The following NOL10 variants were observed in gnomAD, a reference collection of about 807,000 sequenced individuals.
The protein encoded by NOL10 is H_NH0074G24.1.
NOL10 carries 58 observed loss-of-function variants against 103.5 expected under a neutral mutation model. The observed-to-expected ratio is 0.56, with a 90% CI of 0.45 to 0.70. The LOEUF (loss-of-function observed/expected upper bound fraction) is 0.70, where lower values mean the gene tolerates loss of function less well. Ranked by LOEUF, NOL10 falls within the 30% of genes least tolerant of loss-of-function variation. The pLI is 0.00. For missense variants in NOL10, 763 were observed against 807.3 expected (o/e 0.95, Z 0.67); for synonymous variants, 287 against 282.5 (o/e 1.02, Z -0.16).
chr2:10,613,303 T>C (rs1217250917), intron 13 of NOL10, among the ~76,000 whole-genome samples: 1 of 152,234 alleles, frequency 6.6e-6, no homozygotes, highest in African/African-American at 2.4e-5. Flanking sequence ...TTTCTTCAAC[T>C]TCATTCATTC....
intron 12 of NOL10, among the ~76,000 whole-genome samples, chr2:10,650,947 GGT>G (rs1679416850): frequency 6.6e-6 from 1 of 152,098 alleles, no homozygotes. Context: ...TGTCGTCAGT[GGT>G]GGCATTTCAA....
intron 12 of NOL10, among the ~76,000 whole-genome samples, chr2:10,647,541 C>A (rs560600334): frequency 6.6e-6 from 1 of 152,174 alleles, no homozygotes; most frequent in Non-Finnish European, 1.5e-5. Flanking sequence ...AAACAAAAAA[C>A]CAAAATCCTG....
chr2:10,657,307 ACT>A lies in NOL10; in HGVS notation c.906+433_906+434del, dbSNP rs1376144358. On this transcript the variant is annotated intron_variant, in intron 11 of 20. Coordinates refer to ENST00000381685, the MANE Select transcript of NOL10 (RefSeq NM_024894.4). ...CACTCCAGCCTGGGCGACAGAGCAA[ACT>A]CTCTCAAAAAAAAAAAATCAAATAG... Among the ~76,000 whole-genome samples the A allele has an allele frequency of 2.7e-5, 4 of 150,922 alleles. No individual in the cohort carries two copies. The East Asian group carries it at 5.8e-4, about 22-fold the overall frequency.
At chr2:10,576,653 C>T (rs915537015) in intron 20 of NOL10, among the ~76,000 whole-genome samples, 7 of 152,098 alleles carry the variant, frequency 4.6e-5, no homozygotes, top group Admixed American at 1.3e-4. Context: ...ATGAAATGCC[C>T]GGAACAGGCA....
At chr2:10,638,890 C>T (rs1046034171) in intron 13 of NOL10, among the ~76,000 whole-genome samples, 2 of 146,580 alleles carry the variant, frequency 1.4e-5, no homozygotes, top group African/African-American at 5.1e-5. Flanking sequence ...GCACCCTCTG[C>T]CTTCCAGGTT....
chr2:10,664,188 T>C (rs1434145228), intron 8 of NOL10, among the ~76,000 whole-genome samples: 2 of 151,732 alleles, frequency 1.3e-5, no homozygotes, highest in Admixed American at 1.3e-4. Flanking sequence ...CCCAGCACTT[T>C]TGAAGGCCGA....
At chr2:10,654,139 A>G (rs1319347088) in intron 12 of NOL10, among the ~76,000 whole-genome samples, 1 of 152,084 alleles carries the variant, frequency 6.6e-6, no homozygotes, top group African/African-American at 2.4e-5. Context: ...ATTTCCACAC[A>G]CTATTACTAA....
At chr2:10,583,814 C>T (rs955898000) in intron 19 of NOL10, among the ~76,000 whole-genome samples, 42 of 152,284 alleles carry the variant, frequency 2.8e-4, no homozygotes, top group African/African-American at 8.7e-4. Flanking sequence ...CCAGGTTCTC[C>T]GCACATTGTC....
intron 13 of NOL10, among the ~76,000 whole-genome samples, chr2:10,639,623 T>C (rs976541265): frequency 6.6e-6 from 1 of 152,158 alleles, no homozygotes; most frequent in Non-Finnish European, 1.5e-5. Flanking sequence ...AGAAAGGTTT[T>C]GGGTTGGGTG....
intron 8 of NOL10, among the ~76,000 whole-genome samples, chr2:10,663,366 CAAA>C (rs35569218): frequency 8.0e-6 from 1 of 125,484 alleles, no homozygotes; most frequent in Non-Finnish European, 1.7e-5. Context: ...GACTTCGTCT[CAAA>C]AAAAAAAAAA....
At chr2:10,672,061 C>A (rs189561830) in intron 5 of NOL10, among the ~76,000 whole-genome samples, 61 of 152,302 alleles carry the variant, frequency 4.0e-4, no homozygotes, top group African/African-American at 1.4e-3. Flanking sequence ...GGCATGGTGG[C>A]TCACACCTGT....
chr2:10,689,888 C>A lies in NOL10; in HGVS notation c.-27G>T. The A allele has an allele frequency of 6.3e-7, 1 of 1,589,872 alleles. No homozygotes were observed. The highest frequency in any genetic ancestry group is 1.8e-5 in the Admixed American group (1 of 56,316). On this transcript the variant is annotated 5_prime_UTR_variant, in exon 1 of 21. Transcript: ENST00000381685. ...GCGCCGCACAACACTGTTCAAGTCCCGGGTCCTTTCCCACCAGCGTGCTCG... is the reference window on the plus strand; with the variant it reads ...GCGCCGCACAACACTGTTCAAGTCCAGGGTCCTTTCCCACCAGCGTGCTCG...
At chr2:10,585,619 G>T (rs1674987675) in intron 19 of NOL10, among the ~76,000 whole-genome samples, 1 of 152,200 alleles carries the variant, frequency 6.6e-6, no homozygotes, top group Non-Finnish European at 1.5e-5. Flanking sequence ...CAAATGGAGT[G>T]GAGTTGTCCC....
intron 17 of NOL10, among the ~76,000 whole-genome samples, chr2:10,598,716 G>A (rs1325876450): frequency 6.6e-6 from 1 of 152,112 alleles, no homozygotes; most frequent in Non-Finnish European, 1.5e-5. Context: ...AATTTGCTGA[G>A]GCAAAGAAAA....
intron 13 of NOL10, among the ~76,000 whole-genome samples, chr2:10,623,588 C>G (rs1677271704): frequency 6.6e-6 from 1 of 152,238 alleles, no homozygotes; most frequent in Non-Finnish European, 1.5e-5. Flanking sequence ...AGGCCCATCT[C>G]TTCAAACACC....
At chr2:10,580,173 T>C (rs1489268615) in intron 19 of NOL10, among the ~76,000 whole-genome samples, 1 of 152,242 alleles carries the variant, frequency 6.6e-6, no homozygotes, top group Non-Finnish European at 1.5e-5. Context: ...AGCCTGCTTC[T>C]TGAGTGTGAC....
At chr2:10,624,178 CTTTT>C (rs764280554) in intron 13 of NOL10, among the ~76,000 whole-genome samples, 1 of 140,120 alleles carries the variant, frequency 7.1e-6, no homozygotes, top group African/African-American at 2.6e-5. Flanking sequence ...TTTTTCTTTT[CTTTT>C]TTTTTTTTTT....
At chr2:10,664,681 G>A (rs1572404871) in intron 8 of NOL10, among the ~76,000 whole-genome samples, 1 of 152,072 alleles carries the variant, frequency 6.6e-6, no homozygotes, top group East Asian at 1.9e-4. Flanking sequence ...CTGCATCTAT[G>A]GTATGCACCA....
intron 13 of NOL10, chr2:10,622,217 CAACAA>C: frequency 2.1e-6 from 1 of 469,172 alleles, no homozygotes; most frequent in South Asian, 1.6e-5. Flanking sequence ...TATATCTACA[CAACAA>C]AACACTATGC....
Sources: allele counts gnomAD v4.1 joint callset (sites outside exome capture counted in the v4.1 genomes callset), GRCh38; gene constraint gnomAD v4.1.1; transcripts MANE v1.5; gene names NCBI Gene and HGNC (gene_info 2026-07-23, HGNC 2026-07-21).